Variants in RAD51AP1 observed in about 807,000 individuals in gnomAD.
RAD51AP1 encodes the protein RAD51 associated protein 1.
Under a neutral mutation model 34.3 loss-of-function variants are expected in RAD51AP1, and 14 were observed. The observed-to-expected ratio is 0.41, with a 90% confidence interval of 0.27 to 0.64. The LOEUF (loss-of-function observed/expected upper bound fraction) is 0.64, where lower values mean the gene tolerates loss of function less well. Among genes scored for constraint, RAD51AP1 ranks in the 30% least tolerant of loss-of-function variants. RAD51AP1 has a pLI of 0.33. For missense variants in RAD51AP1, 348 were observed against 386.9 expected (o/e 0.90, Z 0.84); for synonymous variants, 114 against 129.8 (o/e 0.88, Z 0.83).
In RAD51AP1 at chr12:4,559,060, G is replaced by T; in HGVS notation, c.*67G>T. ...TTACAAGGGTGTTTATATTTGATTT[G>T]TGTTTATATTTGAGGCAGGTATTGT... On this transcript the variant is annotated 3_prime_UTR_variant, in exon 9 of 9. Transcript: ENST00000352618. 6.4e-7 allele frequency: 1 copy of T among 1,553,802 alleles called. No individual in the cohort carries two copies. The highest frequency in any genetic ancestry group is 8.8e-7 in the Non-Finnish European group (1 of 1,138,034).
Position 4,541,880 on chromosome 12 carries a change from A to G in RAD51AP1, c.18-4A>G, listed in dbSNP as rs1591769695. The G allele has an allele frequency of 1.3e-6, 2 of 1,484,808 alleles. No homozygotes were observed. The highest frequency in any genetic ancestry group is 1.8e-6 in the Non-Finnish European group (2 of 1,107,970). 92.0% of individuals were successfully genotyped at this position (1,484,808 alleles called of 1,614,324 possible). On this transcript the variant is annotated splice_region_variant and splice_polypyrimidine_tract_variant and intron_variant, in intron 1 of 8. Transcript: ENST00000352618. ...TTAATGAAAAAATTCTGTTTTGGTC[A>G]TAGACATAAGAAACCAGTCAATTAC...
intron 3 of RAD51AP1, among the ~76,000 whole-genome samples, chr12:4,544,528 C>G (rs762542220): frequency 2.0e-5 from 3 of 152,164 alleles, no homozygotes; most frequent in Non-Finnish European, 4.4e-5. Flanking sequence ...CCACAAGTTT[C>G]TCTATGAAAA....
chr12:4,557,739 C>T (rs1193259113), intron 8 of RAD51AP1, among the ~76,000 whole-genome samples: 1 of 152,108 alleles, frequency 6.6e-6, no homozygotes, highest in African/African-American at 2.4e-5. Context: ...CAGCATGTGA[C>T]AGTCAGGCAA....
At chr12:4,545,655 C>A in intron 3 of RAD51AP1, 2 of 860,182 alleles carry the variant, frequency 2.3e-6, no homozygotes, top group Non-Finnish European at 3.5e-6. Context: ...CCTTATCTGT[C>A]TTTGACGTTT....
intron 7 of RAD51AP1, among the ~76,000 whole-genome samples, chr12:4,554,487 C>T (rs914240020): frequency 6.6e-6 from 1 of 152,130 alleles, no homozygotes; most frequent in African/African-American, 2.4e-5. Flanking sequence ...CTACTACAAG[C>T]TATAATAGGA....
chr12:4,545,946 G>A (rs1029996217), intron 3 of RAD51AP1: 1 of 1,263,724 alleles, frequency 7.9e-7, no homozygotes, highest in Non-Finnish European at 1.1e-6. Context: ...AGGGGAGTGG[G>A]TGAGGTCAAG....
intron 3 of RAD51AP1, among the ~76,000 whole-genome samples, chr12:4,544,915 C>T (rs566481341): frequency 1.3e-5 from 2 of 152,162 alleles, no homozygotes; most frequent in East Asian, 3.9e-4. Flanking sequence ...TGACTTAATA[C>T]AAAAGACAAG....
Position 4,543,782 on chromosome 12 carries a change from T to C in RAD51AP1, c.87T>C (p.Thr29=). ...GAATAGATGATTTTGTTTCTGCAAC[T>C]GTACCTTTAAACAAGAAATCCAGAA... ...SDSDDDFVSA[T]VPLNKKSRTA... Residue 29 remains threonine (T), a synonymous_variant, in exon 3 of 9, where the codon ACT becomes ACC. Coordinates refer to ENST00000352618, the MANE Select transcript of RAD51AP1 (RefSeq NM_006479.5). The C allele has an allele frequency of 6.2e-7, 1 of 1,600,246 alleles. No homozygotes were observed. Among genetic ancestry groups the C allele is most frequent in the Non-Finnish European group, 8.5e-7 (1 of 1,174,068 alleles).
At chr12:4,549,218 G>C (rs895534968) in intron 6 of RAD51AP1, among the ~76,000 whole-genome samples, 1 of 152,162 alleles carries the variant, frequency 6.6e-6, no homozygotes, top group African/African-American at 2.4e-5. Flanking sequence ...ACTGGAAGAA[G>C]TGTAGGCTTT....
At chr12:4,540,471 G>T (rs1944458090) in intron 1 of RAD51AP1, among the ~76,000 whole-genome samples, 1 of 151,430 alleles carries the variant, frequency 6.6e-6, no homozygotes, top group Non-Finnish European at 1.5e-5. Context: ...CGATAAAACT[G>T]CTGGCACCTC....
At position 4,559,497 on chromosome 12, in the gene RAD51AP1, C is replaced by A. The variant is rs1314383483; in HGVS notation, c.*504C>A. 2.6e-5 allele frequency: 4 copies of A among 152,230 alleles called. No individual in the cohort carries two copies. Among genetic ancestry groups the A allele is most frequent in the African/African-American group, 9.7e-5 (4 of 41,450 alleles). The allele number at this position is 152,230 out of a possible 1,614,324, so 9.4% of individuals were successfully genotyped here. A position where few individuals can be genotyped will look rare whatever the true frequency, so the allele number is the denominator to read the frequency against. On this transcript the variant is annotated 3_prime_UTR_variant, in exon 9 of 9. Coordinates refer to ENST00000352618, the MANE Select transcript of RAD51AP1 (RefSeq NM_006479.5). ...TACAAACTTAGAATTATTTTACACA[C>A]TAAAATGGTTGCAGTTTTATGGCAT...
intron 1 of RAD51AP1, among the ~76,000 whole-genome samples, chr12:4,539,411 G>T (rs766955795): frequency 1.1e-4 from 17 of 152,168 alleles, no homozygotes; most frequent in Non-Finnish European, 2.4e-4. Context: ...GATCCTCTGT[G>T]CTTTCCATCG....
chr12:4,543,896 TAAA>T lies in RAD51AP1; in HGVS notation c.206_208del (p.Lys69del). On this transcript the variant is annotated inframe_deletion, in exon 3 of 9. Transcript: ENST00000352618. ...AAATCCCAGTACAAGAGAAAACCCC[TAAA>T]AAAAGGTGAGAGGTAAGACATGCAG... 6.2e-7 allele frequency: 1 copy of T among 1,604,876 alleles called. No homozygotes were observed. The highest frequency in any genetic ancestry group is 8.5e-7 in the Non-Finnish European group (1 of 1,176,508).
In RAD51AP1 at chr12:4,559,150, T is replaced by C; in HGVS notation, c.*157T>C. On this transcript the variant is annotated 3_prime_UTR_variant, in exon 9 of 9. Transcript: ENST00000352618. ...CTAGCCATTTTATGATTATGTTCTC[T>C]GTAAAACTCTTCAAGACTTCAATGA... 1.2e-6 allele frequency: 1 copy of C among 841,180 alleles called. No homozygotes were observed. Among genetic ancestry groups the C allele is most frequent in the South Asian group, 2.0e-5 (1 of 49,236 alleles). The allele number at this position is 841,180 out of a possible 1,614,324, so 52.1% of individuals were successfully genotyped here. A position where few individuals can be genotyped will look rare whatever the true frequency, so the allele number is the denominator to read the frequency against.
chr12:4,548,247 G>A, intron 5 of RAD51AP1, 69 bp downstream of exon 5: 1 of 1,561,810 alleles, frequency 6.4e-7, no homozygotes, highest in Non-Finnish European at 8.6e-7. Context: ...TTAAATTGCT[G>A]AAATTGTGGC....
intron 6 of RAD51AP1, among the ~76,000 whole-genome samples, chr12:4,552,445 T>C (rs1292202224): frequency 6.6e-6 from 1 of 152,216 alleles, no homozygotes; most frequent in Non-Finnish European, 1.5e-5. Context: ...CTAAGATTGT[T>C]GTGTATGGTT....
Position 4,548,957 on chromosome 12 carries a change from A to G in RAD51AP1, c.556+121A>G, listed in dbSNP as rs1293635132. On this transcript the variant is annotated intron_variant, in intron 6 of 8. Transcript: ENST00000352618. Reference sequence around the variant, plus strand: ...TGGGGTGTGCAAACTTCAGGGACACACAGAACAGTTCAATTCAGTGATAGC... The same window carrying G: ...TGGGGTGTGCAAACTTCAGGGACACGCAGAACAGTTCAATTCAGTGATAGC... 9 of 1,028,420 alleles carry G rather than the reference A, an allele frequency of 8.8e-6. No homozygotes were observed. In the East Asian group the frequency reaches 2.3e-4, roughly 26 times the overall value. The allele number at this position is 1,028,420 out of a possible 1,614,324, so 63.7% of individuals were successfully genotyped here.
chr12:4,543,464 A>G (rs909295863), intron 2 of RAD51AP1, among the ~76,000 whole-genome samples: 8 of 152,200 alleles, frequency 5.3e-5, no homozygotes, highest in African/African-American at 1.9e-4. Flanking sequence ...CAATTTTTCT[A>G]ATGGTTTTAC....
intron 8 of RAD51AP1, among the ~76,000 whole-genome samples, chr12:4,558,494 A>G (rs1000788189): frequency 1.3e-5 from 2 of 152,230 alleles, no homozygotes; most frequent in African/African-American, 4.8e-5. Flanking sequence ...TTCAAGGACT[A>G]CTTGTAAAAA....
Sources: allele counts gnomAD v4.1 joint callset (sites outside exome capture counted in the v4.1 genomes callset), GRCh38; gene constraint gnomAD v4.1.1; transcripts MANE v1.5; gene names NCBI Gene and HGNC (gene_info 2026-07-23, HGNC 2026-07-21).